NFAT5: variants seen among roughly 807,000 people sequenced by gnomAD.
NFAT5 encodes the protein nuclear factor of activated T cells 5.
A neutral mutation model predicts 166.5 loss-of-function variants in NFAT5; 31 were observed. The ratio of observed to expected loss-of-function variants is 0.19; its 90% CI spans 0.14 to 0.25. The LOEUF is 0.25. Among genes scored for constraint, NFAT5 ranks in the 10% least tolerant of loss-of-function variants. NFAT5 has a pLI of 1.00. For synonymous variants in NFAT5, 612 were observed against 639.7 expected, an observed-to-expected ratio of 0.96 and a Z score of 0.65; for missense variants, 1,449 against 1,821.8, an observed-to-expected ratio of 0.80 and a Z score of 3.72.
intron 7 of NFAT5, among the ~76,000 whole-genome samples, chr16:69,667,572 C>T (rs1029647553): frequency 3.3e-5 from 5 of 150,530 alleles, no homozygotes; most frequent in African/African-American, 9.8e-5. Flanking sequence ...TAAATATATT[C>T]TAAACCTTGG....
chr16:69,647,566 C>A lies in NFAT5; in HGVS notation c.792C>A (p.Gly264=). The A allele has an allele frequency of 1.3e-6, 2 of 1,579,836 alleles. No individual in the cohort carries two copies. Among genetic ancestry groups the A allele is most frequent in the Non-Finnish European group, 1.7e-6 (2 of 1,164,406 alleles). ...CTCAGCTTACCACGGACAACAAAGGCAACTCAAAAGCGGGAAATGGGTTGG... is the reference window on the plus strand; with the variant it reads ...CTCAGCTTACCACGGACAACAAAGGAAACTCAAAAGCGGGAAATGGGTTGG... The part of the protein sequence containing the change: ...VLSQLTTDNK[G]NSKAGNGTLE... Residue 264 remains glycine (G), a synonymous_variant, in exon 4 of 15, where the codon GGC becomes GGA. Transcript: ENST00000349945. The surrounding 1 kb of genome is among the most constrained non-coding windows in gnomAD (Gnocchi z 4.8).
At chr16:69,655,073 C>G (rs891014104) in intron 5 of NFAT5, among the ~76,000 whole-genome samples, 1 of 152,082 alleles carries the variant, frequency 6.6e-6, no homozygotes, top group Non-Finnish European at 1.5e-5. Context: ...TCTCTCAGAC[C>G]ATAATGTTTT....
chr16:69,571,314 C>CA (rs1555516020), intron 2 of NFAT5, among the ~76,000 whole-genome samples: 3 of 151,276 alleles, frequency 2.0e-5, no homozygotes, highest in Non-Finnish European at 4.4e-5. Context: ...AAAAAAACAA[C>CA]AACAAACAAA....
At chr16:69,619,745 T>G (rs920142141) in intron 2 of NFAT5, among the ~76,000 whole-genome samples, 1 of 152,222 alleles carries the variant, frequency 6.6e-6, no homozygotes, top group African/African-American at 2.4e-5. Flanking sequence ...CTTCCTGGAA[T>G]GACCAGTAAC....
intron 11 of NFAT5, among the ~76,000 whole-genome samples, chr16:69,688,215 A>AACAAC (rs1452412856): frequency 3.4e-5 from 5 of 147,204 alleles, no homozygotes; most frequent in Admixed American, 6.8e-5. Flanking sequence ...AAAAAAAAAA[A>AACAAC]AAAAAAAAAA....
chr16:69,612,683 A>G (rs752786335), intron 2 of NFAT5, among the ~76,000 whole-genome samples: 8 of 151,648 alleles, frequency 5.3e-5, no homozygotes, highest in Non-Finnish European at 1.2e-4. Context: ...CTGTCTCTAT[A>G]AAGCACATAC....
chr16:69,649,164 C>T (rs2035569102), intron 4 of NFAT5: 1 of 936,054 alleles, frequency 1.1e-6, no homozygotes, highest in African/African-American at 1.8e-5. Context: ...GTAATGAATA[C>T]AGCAGGTAAA....
chr16:69,567,617 A>G (rs922771877), intron 1 of NFAT5, among the ~76,000 whole-genome samples: 1 of 152,190 alleles, frequency 6.6e-6, no homozygotes, highest in Non-Finnish European at 1.5e-5. Flanking sequence ...TTACTCTGAA[A>G]GGTGCTGGAC....
intron 2 of NFAT5, among the ~76,000 whole-genome samples, chr16:69,621,552 C>G (rs971478539): frequency 6.6e-6 from 1 of 152,198 alleles, no homozygotes; most frequent in South Asian, 2.1e-4. Context: ...TGTTTATAAA[C>G]CTGGAATTTC....
At chr16:69,694,368 C>T (rs1183037571) in intron 13 of NFAT5, 129 bp downstream of exon 13, 2 of 690,152 alleles carry the variant, frequency 2.9e-6, no homozygotes, top group Non-Finnish European at 4.8e-6. Flanking sequence ...GATTCTCCTG[C>T]CTCAGCCTCC....
At chr16:69,611,656 T>C (rs1029398560) in intron 2 of NFAT5, among the ~76,000 whole-genome samples, 2 of 152,216 alleles carry the variant, frequency 1.3e-5, no homozygotes, top group African/African-American at 4.8e-5. Flanking sequence ...TGTGTACCCA[T>C]GTGGTGAAAG....
chr16:69,698,102 T>A lies in NFAT5; in HGVS notation c.*1751T>A, dbSNP rs1411944772. The A allele has an allele frequency of 6.6e-6, 1 of 152,466 alleles. No individual in the cohort carries two copies. The highest frequency in any genetic ancestry group is 1.5e-5 in the Non-Finnish European group (1 of 68,016). 9.4% of individuals were successfully genotyped at this position (152,466 alleles called of 1,614,324 possible). ...GTCTTTTTCTCTTTTTTCTCATGTT[T>A]TCTTCCCTCCACCTCCACCCCTTTC... On this transcript the variant is annotated 3_prime_UTR_variant, in exon 15 of 15. Coordinates refer to ENST00000349945, the MANE Select transcript of NFAT5 (RefSeq NM_138713.4).
intron 2 of NFAT5, among the ~76,000 whole-genome samples, chr16:69,615,276 G>A (rs2033891873): frequency 6.6e-6 from 1 of 152,146 alleles, no homozygotes; most frequent in Non-Finnish European, 1.5e-5. Flanking sequence ...TGTGACCTCA[G>A]GTGATCTGCC....
At chr16:69,664,221 G>C (rs1172967302) in intron 7 of NFAT5, among the ~76,000 whole-genome samples, 2 of 152,080 alleles carry the variant, frequency 1.3e-5, no homozygotes, top group Non-Finnish European at 2.9e-5. Flanking sequence ...TTATTCTCTT[G>C]ACAGGTTGAA....
chr16:69,686,842 G>A (rs576493863), intron 11 of NFAT5, among the ~76,000 whole-genome samples: 15 of 152,104 alleles, frequency 9.9e-5, no homozygotes, highest in Middle Eastern at 3.4e-3. Flanking sequence ...CAGCCTGGGC[G>A]ACACAGTAAA....
At position 69,655,656 on chromosome 16, in the gene NFAT5, C is replaced by T. The variant is rs138688929; in HGVS notation, c.1053C>T (p.Asn351=). The change falls in exon 6 of 15, where the codon AAC becomes AAT. Residue 351 remains asparagine, a synonymous_variant. Transcript: ENST00000349945. Reference sequence around the variant, plus strand: ...TAGTGTTGCAAGTGTTTGTGGGCAACGACTCTGGACGAGTGAAACCACATG... The same window carrying T: ...TAGTGTTGCAAGTGTTTGTGGGCAATGACTCTGGACGAGTGAAACCACATG... ...EPVVLQVFVG[N]DSGRVKPHGF... The T allele has an allele frequency of 5.6e-5, 91 of 1,612,596 alleles. No homozygotes were observed. In the Middle Eastern group the frequency reaches 6.6e-4, roughly 12 times the overall value.
At chr16:69,695,688 C>CAAAA (rs35634481) in intron 14 of NFAT5, 3 of 118,906 alleles carry the variant, frequency 2.5e-5, no homozygotes, top group Non-Finnish European at 3.7e-5. Flanking sequence ...CTAAAAAATA[C>CAAAA]AAAAAAAAAA....
chr16:69,628,384 G>C (rs2034559984), intron 3 of NFAT5, among the ~76,000 whole-genome samples: 2 of 152,140 alleles, frequency 1.3e-5, no homozygotes, highest in South Asian at 2.1e-4. Context: ...TGTAAAGATG[G>C]CAAAGAGAGT....
At chr16:69,604,688 A>G (rs1259235610) in intron 2 of NFAT5, among the ~76,000 whole-genome samples, 1 of 152,172 alleles carries the variant, frequency 6.6e-6, no homozygotes. Flanking sequence ...AGCCATTTTT[A>G]TCATTCCCAG....
Sources: allele counts gnomAD v4.1 joint callset (sites outside exome capture counted in the v4.1 genomes callset), GRCh38; gene constraint gnomAD v4.1.1; non-coding constraint Gnocchi (gnomAD v3.1); transcripts MANE v1.5; gene names NCBI Gene and HGNC (gene_info 2026-07-23, HGNC 2026-07-21).